CPNE4: variants seen among roughly 807,000 people sequenced by gnomAD.
CPNE4 encodes the protein copine 4.
A neutral mutation model predicts 67.9 loss-of-function variants in CPNE4; 25 were observed. The ratio of observed to expected loss-of-function variants is 0.37; its 90% CI spans 0.27 to 0.51. CPNE4 has a LOEUF of 0.51. Ranked by LOEUF, CPNE4 falls within the 20% of genes least tolerant of loss-of-function variation. The probability of loss-of-function intolerance (pLI) is 0.93; values close to 1 mark genes in which losing one functional copy is unlikely to be tolerated. For synonymous variants in CPNE4, 242 were observed against 244.9 expected (o/e 0.99, Z 0.11); for missense variants, 464 against 690.8 (o/e 0.67, Z 3.68).
intron 7 of CPNE4, among the ~76,000 whole-genome samples, chr3:131,668,862 T>C (rs1030804987): frequency 1.3e-5 from 2 of 152,178 alleles, no homozygotes; most frequent in East Asian, 3.8e-4. Context: ...ATTCCCAAGG[T>C]GCTCAGAAAG....
chr3:132,004,614 A>G (rs2069242655), intron 1 of CPNE4, among the ~76,000 whole-genome samples: 1 of 152,174 alleles, frequency 6.6e-6, no homozygotes, highest in Non-Finnish European at 1.5e-5. Flanking sequence ...CTAGCCTGTG[A>G]AACAGTATTA....
chr3:131,942,070 T>G (rs1253453742), intron 1 of CPNE4, among the ~76,000 whole-genome samples: 1 of 151,990 alleles, frequency 6.6e-6, no homozygotes, highest in East Asian at 1.9e-4. Context: ...TTAAAAAAAT[T>G]GAAAAATATT....
At chr3:131,647,871 C>A (rs1224304547) in intron 7 of CPNE4, among the ~76,000 whole-genome samples, 2 of 152,150 alleles carry the variant, frequency 1.3e-5, no homozygotes, top group Admixed American at 1.3e-4. Flanking sequence ...CTCCTTTGCT[C>A]TTTTATCCTC....
chr3:131,971,923 C>T (rs2072513471), intron 1 of CPNE4, among the ~76,000 whole-genome samples: 1 of 152,136 alleles, frequency 6.6e-6, no homozygotes. Context: ...ATATGATTTG[C>T]CTTTGTTTCT....
At chr3:131,537,642 T>C (rs1029648535) in intron 15 of CPNE4, 12 of 284,044 alleles carry the variant, frequency 4.2e-5, no homozygotes, top group African/African-American at 2.7e-4. Flanking sequence ...ATTGTAATAG[T>C]CCAGGACTTA....
Position 131,847,219 on chromosome 3 carries a change from T to A in CPNE4, c.180+58045A>T, listed in dbSNP as rs76887705. Among the ~76,000 whole-genome samples the A allele has an allele frequency of 2.6e-3, 398 of 152,314 alleles. 4 individuals are homozygous for A. The highest frequency in any genetic ancestry group is 7.7e-3 in the East Asian group (40 of 5,182). ...CTCCATGGCTAGACCTGGGTCCACT[T>A]GCTCATATGTGCTTGGCTTTGCTCA... On this transcript the variant is annotated intron_variant, in intron 2 of 15. Coordinates refer to ENST00000429747, the MANE Select transcript of CPNE4 (RefSeq NM_130808.3).
chr3:131,908,058 A>G (rs950015789), intron 1 of CPNE4, among the ~76,000 whole-genome samples: 6 of 152,150 alleles, frequency 3.9e-5, no homozygotes, highest in African/African-American at 7.2e-5. Context: ...CCAGTTTTCT[A>G]TCAGCCAGCC....
chr3:131,841,949 C>T (rs1824544), intron 2 of CPNE4, among the ~76,000 whole-genome samples: 98,147 of 151,722 alleles, frequency 0.65, 31,892 homozygotes, highest in East Asian at 0.86. Context: ...AGGGTGTGTG[C>T]GTGTGTGTAA....
At position 131,810,871 on chromosome 3, in the gene CPNE4, A is replaced by G. The variant is rs985146849; in HGVS notation, c.181-87246T>C. On this transcript the variant is annotated intron_variant, in intron 2 of 15. Transcript: ENST00000429747. ...TTCGGCCTTAAAAAAGAAGGAAATCATGCCATTTGTGACAACCTTGATAGA... is the reference window on the plus strand; with the variant it reads ...TTCGGCCTTAAAAAAGAAGGAAATCGTGCCATTTGTGACAACCTTGATAGA... 4.6e-4 allele frequency among the ~76,000 whole-genome samples: 70 copies of G among 152,132 alleles called. 1 individual carries two copies. Among genetic ancestry groups the G allele is most frequent in the African/African-American group, 1.6e-3 (66 of 41,458 alleles).
intron 7 of CPNE4, among the ~76,000 whole-genome samples, chr3:131,648,463 G>C (rs1487336655): frequency 6.6e-6 from 1 of 152,200 alleles, no homozygotes; most frequent in East Asian, 1.9e-4. Context: ...CCTGATGATA[G>C]AGATATTCAT....
At chr3:131,879,129 C>A (rs182281592) in intron 2 of CPNE4, among the ~76,000 whole-genome samples, 114 of 149,548 alleles carry the variant, frequency 7.6e-4, no homozygotes, top group Non-Finnish European at 1.0e-3. Context: ...TGTGTGTGTG[C>A]GTGCTAGAAA....
chr3:131,593,009 C>T (rs1938628572), intron 7 of CPNE4, among the ~76,000 whole-genome samples: 1 of 152,224 alleles, frequency 6.6e-6, no homozygotes, highest in African/African-American at 2.4e-5. Flanking sequence ...TTATTGTACA[C>T]TAGCTTTTTG....
chr3:131,832,056 T>C (rs570435741), intron 2 of CPNE4, among the ~76,000 whole-genome samples: 15 of 152,320 alleles, frequency 9.8e-5, no homozygotes, highest in Non-Finnish European at 1.8e-4. Context: ...CAGGTCAACA[T>C]GAGTTCTCAT....
At position 131,537,424 on chromosome 3, in the gene CPNE4, C is replaced by T. The variant is rs74184047; in HGVS notation, c.1540-2095G>A. 1,769 of 156,590 alleles carry T rather than the reference C, an allele frequency of 0.011. 95 individuals carry two copies. In the East Asian group the frequency reaches 0.17, roughly 15 times the overall value. The allele number at this position is 156,590 out of a possible 1,614,324, so 9.7% of individuals were successfully genotyped here. On this transcript the variant is annotated intron_variant, in intron 15 of 15. Transcript: ENST00000429747. ...TCAGCCTCCAGAGTAGTTGAGATTA[C>T]AGGTGCCCACCACCGTGCCCAGCTA...
At chr3:131,868,648 C>T (rs1324054787) in intron 2 of CPNE4, among the ~76,000 whole-genome samples, 1 of 152,066 alleles carries the variant, frequency 6.6e-6, no homozygotes, top group Non-Finnish European at 1.5e-5. Flanking sequence ...TAATAATTTG[C>T]TGAAAATTTC....
chr3:131,721,192 G>C (rs2081873397), intron 3 of CPNE4, among the ~76,000 whole-genome samples: 1 of 151,740 alleles, frequency 6.6e-6, no homozygotes, highest in South Asian at 2.1e-4. Context: ...ATGTTTTTTG[G>C]CTCACCACAG....
chr3:131,946,000 T>G (rs2071542109), intron 1 of CPNE4, among the ~76,000 whole-genome samples: 1 of 152,302 alleles, frequency 6.6e-6, no homozygotes, highest in African/African-American at 2.4e-5. Flanking sequence ...CTAGCCATAA[T>G]TTTTTAGAAA....
At chr3:131,777,507 CCTG>C (rs1469385147) in intron 2 of CPNE4, among the ~76,000 whole-genome samples, 1 of 151,642 alleles carries the variant, frequency 6.6e-6, no homozygotes, top group Non-Finnish European at 1.5e-5. Flanking sequence ...ATGAGGTTGT[CCTG>C]CTGGAGGATG....
intron 2 of CPNE4, among the ~76,000 whole-genome samples, chr3:131,764,703 A>G (rs1283879255): frequency 6.6e-6 from 1 of 152,056 alleles, no homozygotes; most frequent in East Asian, 1.9e-4. Context: ...TATGATCACA[A>G]CTCAAAAGAA....
Sources: allele counts gnomAD v4.1 joint callset (sites outside exome capture counted in the v4.1 genomes callset), GRCh38; gene constraint gnomAD v4.1.1; transcripts MANE v1.5; gene names NCBI Gene and HGNC (gene_info 2026-07-23, HGNC 2026-07-21).